DTWD2: variants seen among roughly 807,000 people sequenced by gnomAD.
DTWD2 encodes the protein tRNA-uridine aminocarboxypropyltransferase 2.
DTWD2 carries 39 observed loss-of-function variants against 31.8 expected under a neutral mutation model. The ratio of observed to expected loss-of-function variants is 1.22; its 90% confidence interval spans 0.95 to 1.60. The LOEUF (loss-of-function observed/expected upper bound fraction) is 1.60, where lower values mean the gene tolerates loss of function less well. Among genes scored for constraint, DTWD2 ranks in the 40% most tolerant of loss-of-function variants. The probability of loss-of-function intolerance (pLI) is 0.00; values close to 1 mark genes in which losing one functional copy is unlikely to be tolerated. For missense variants in DTWD2, 515 were observed against 381.5 expected (o/e 1.35, Z -2.92); for synonymous variants, 180 against 142.8 (o/e 1.26, Z -1.86).
chr5:118,844,473 T>C (rs1344856193), intron 5 of DTWD2, among the ~76,000 whole-genome samples: 1 of 152,240 alleles, frequency 6.6e-6, no homozygotes, highest in African/African-American at 2.4e-5. Context: ...AGGCAAAAAT[T>C]AGAGAGGAAA....
intron 4 of DTWD2, among the ~76,000 whole-genome samples, chr5:118,921,389 C>T (rs949669299): frequency 6.6e-6 from 1 of 151,722 alleles, no homozygotes; most frequent in Non-Finnish European, 1.5e-5. Context: ...GTGGTACACA[C>T]CCACTAGTCC....
At chr5:118,946,319 G>C (rs571559877) in intron 1 of DTWD2, among the ~76,000 whole-genome samples, 2 of 152,130 alleles carry the variant, frequency 1.3e-5, no homozygotes, top group Admixed American at 6.5e-5. Context: ...TTTTGAGATG[G>C]AAAGTCTTTC....
chr5:118,896,897 TGTC>T (rs1753096188), intron 4 of DTWD2, among the ~76,000 whole-genome samples: 1 of 152,216 alleles, frequency 6.6e-6, no homozygotes, highest in African/African-American at 2.4e-5. Flanking sequence ...TGCCTAAAGC[TGTC>T]TTGGATTCTC....
intron 1 of DTWD2, among the ~76,000 whole-genome samples, chr5:118,958,079 C>T (rs1346560513): frequency 6.6e-6 from 1 of 152,076 alleles, no homozygotes; most frequent in Non-Finnish European, 1.5e-5. Context: ...CTGGCCTAGA[C>T]ATGTTTGTTC....
chr5:118,895,173 G>A (rs775622350), intron 4 of DTWD2, among the ~76,000 whole-genome samples: 1 of 151,922 alleles, frequency 6.6e-6, no homozygotes, highest in Non-Finnish European at 1.5e-5. Flanking sequence ...TGCAAGATGG[G>A]TACAAAATCA....
chr5:118,938,335 G>A (rs914333221), intron 3 of DTWD2, among the ~76,000 whole-genome samples: 12 of 152,056 alleles, frequency 7.9e-5, no homozygotes, highest in African/African-American at 2.7e-4. Flanking sequence ...ACTAACAGAC[G>A]AATTTAGAAA....
intron 1 of DTWD2, among the ~76,000 whole-genome samples, chr5:118,979,979 G>A (rs563348917): frequency 6.6e-6 from 1 of 152,206 alleles, no homozygotes; most frequent in Non-Finnish European, 1.5e-5. Context: ...TGCCCATCCT[G>A]CACATGTACC....
At chr5:118,851,782 A>G (rs1335399772) in intron 4 of DTWD2, among the ~76,000 whole-genome samples, 2 of 151,332 alleles carry the variant, frequency 1.3e-5, no homozygotes, top group African/African-American at 4.8e-5. Context: ...TGGCACATGT[A>G]TACATATGTA....
chr5:118,865,132 C>A (rs573790296), intron 4 of DTWD2, among the ~76,000 whole-genome samples: 11 of 152,268 alleles, frequency 7.2e-5, no homozygotes, highest in African/African-American at 2.2e-4. Flanking sequence ...TGAGTACTTA[C>A]AATTTCTGAA....
chr5:118,922,163 A>G (rs1753718615), intron 4 of DTWD2, among the ~76,000 whole-genome samples: 1 of 152,194 alleles, frequency 6.6e-6, no homozygotes, highest in South Asian at 2.1e-4. Context: ...AAAGAGATTC[A>G]CTGCCAAATG....
At chr5:118,898,978 C>T (rs1580794320) in intron 4 of DTWD2, among the ~76,000 whole-genome samples, 1 of 152,316 alleles carries the variant, frequency 6.6e-6, no homozygotes, top group East Asian at 1.9e-4. Flanking sequence ...ATAAACCCAA[C>T]ATGCACAAGC....
At chr5:118,963,059 GC>G (rs1429226527) in intron 1 of DTWD2, among the ~76,000 whole-genome samples, 2 of 152,174 alleles carry the variant, frequency 1.3e-5, no homozygotes, top group African/African-American at 4.8e-5. Flanking sequence ...GGATCCAGAA[GC>G]AAAAGATCAA....
chr5:118,884,358 A>G (rs1344562863), intron 4 of DTWD2, among the ~76,000 whole-genome samples: 13 of 152,216 alleles, frequency 8.5e-5, no homozygotes, highest in Non-Finnish European at 2.9e-5. Flanking sequence ...TTAAGTTTGT[A>G]ATATACTATT....
chr5:118,950,997 C>G (rs573588862), intron 1 of DTWD2, among the ~76,000 whole-genome samples: 1 of 152,140 alleles, frequency 6.6e-6, no homozygotes, highest in African/African-American at 2.4e-5. Flanking sequence ...AAGGTAAAGT[C>G]TCTAAGGGTT....
chr5:118,878,878 T>A (rs1261708605), intron 4 of DTWD2, among the ~76,000 whole-genome samples: 1 of 152,134 alleles, frequency 6.6e-6, no homozygotes, highest in Non-Finnish European at 1.5e-5. Flanking sequence ...CCAACAGTCA[T>A]ATGAAAGAAA....
chr5:118,918,335 T>A (rs1753625366), intron 4 of DTWD2, among the ~76,000 whole-genome samples: 1 of 149,690 alleles, frequency 6.7e-6, no homozygotes. Flanking sequence ...TTTTTTTTTA[T>A]TTTTTTTTTG....
chr5:118,931,836 C>T (rs953662805), intron 3 of DTWD2, among the ~76,000 whole-genome samples: 1 of 152,094 alleles, frequency 6.6e-6, no homozygotes, highest in African/African-American at 2.4e-5. Flanking sequence ...ACATTCTGGG[C>T]CATAAAACAT....
intron 4 of DTWD2, among the ~76,000 whole-genome samples, chr5:118,895,389 G>A (rs186540423): frequency 1.6e-4 from 24 of 152,200 alleles, no homozygotes; most frequent in African/African-American, 5.1e-4. Flanking sequence ...AAGATATCCC[G>A]TGCTCATGGA....
chr5:118,873,821 C>G (rs1752563108), intron 4 of DTWD2, among the ~76,000 whole-genome samples: 1 of 152,146 alleles, frequency 6.6e-6, no homozygotes, highest in South Asian at 2.1e-4. Context: ...CTGCCCCAAG[C>G]CAACTCCATC....
Sources: gnomAD v4.1 joint callset for allele counts (sites outside exome capture counted in the v4.1 genomes callset) on GRCh38, gnomAD v4.1.1 for gene constraint, MANE v1.5 for transcripts, NCBI Gene and HGNC (gene_info 2026-07-23, HGNC 2026-07-21) for gene names.